Variants in BRD10 observed in about 807,000 individuals in gnomAD.
BRD10 encodes the protein uncharacterized bromodomain-containing protein 10.
At chr9:5,927,275 CCCTA>C in the BRD10 span, among the ~76,000 whole-genome samples, 1 of 152,178 alleles carries the variant, frequency 6.6e-6, no homozygotes, top group Non-Finnish European at 1.5e-5. Flanking sequence ...TTCTCCATCT[CCCTA>C]CCTAAGCTAA....
At chr9:5,892,588 T>A in the BRD10 span, 1 of 1,584,210 alleles carries the variant, frequency 6.3e-7, no homozygotes, top group Non-Finnish European at 8.6e-7. Context: ...GCTTCCAGTT[T>A]GCCGTTTGCT....
chr9:5,967,192 C>CA, the BRD10 span, among the ~76,000 whole-genome samples: 1 of 149,248 alleles, frequency 6.7e-6, no homozygotes, highest in Non-Finnish European at 1.5e-5. Flanking sequence ...TTAATTCCAC[C>CA]TTTTTTTTTT....
chr9:5,933,856 C>A, the BRD10 span: 3 of 470,446 alleles, frequency 6.4e-6, no homozygotes, highest in South Asian at 4.6e-5. Context: ...AGTTGGCAAT[C>A]TACTGATGCT....
the BRD10 span, chr9:6,007,312 G>C: frequency 6.2e-7 from 1 of 1,613,768 alleles, no homozygotes; most frequent in Non-Finnish European, 8.5e-7. Context: ...CCTGAAGTCC[G>C]CCACGAACTC....
the BRD10 span, among the ~76,000 whole-genome samples, chr9:5,977,344 C>CA: frequency 6.6e-6 from 1 of 152,016 alleles, no homozygotes; most frequent in African/African-American, 2.4e-5. Flanking sequence ...TGAGGAAGGA[C>CA]AAAAAAGTAC....
At chr9:5,920,899 A>G in the BRD10 span, 2 of 1,614,028 alleles carry the variant, frequency 1.2e-6, no homozygotes, top group Non-Finnish European at 1.7e-6. Flanking sequence ...TTGATGAGCA[A>G]AGTCTATTTG....
chr9:5,951,263 A>G, the BRD10 span, among the ~76,000 whole-genome samples: 2 of 152,106 alleles, frequency 1.3e-5, no homozygotes, highest in African/African-American at 4.8e-5. Context: ...AAAAAAAGTC[A>G]ACAAAAACAT....
the BRD10 span, among the ~76,000 whole-genome samples, chr9:5,939,912 T>A: frequency 4.6e-5 from 7 of 152,176 alleles, no homozygotes; most frequent in African/African-American, 1.7e-4. Context: ...GCAAAATCAT[T>A]CCTGATTGAT....
chr9:5,889,330 C>CT, the BRD10 span, among the ~76,000 whole-genome samples: 2 of 152,156 alleles, frequency 1.3e-5, no homozygotes, highest in African/African-American at 4.8e-5. Context: ...ATCTTAACAA[C>CT]TTTTTGCAGG....
the BRD10 span, among the ~76,000 whole-genome samples, chr9:5,928,513 T>C: frequency 2.3e-4 from 35 of 152,208 alleles, no homozygotes; most frequent in Admixed American, 2.2e-3. Flanking sequence ...CTCTTGCCTG[T>C]TACCACATTT....
the BRD10 span, among the ~76,000 whole-genome samples, chr9:5,992,555 C>A: frequency 6.6e-6 from 1 of 152,058 alleles, no homozygotes; most frequent in Non-Finnish European, 1.5e-5. Context: ...TAAAATAGCT[C>A]TCCCGTTGCA....
chr9:5,930,554 T>C, the BRD10 span, among the ~76,000 whole-genome samples: 6 of 152,016 alleles, frequency 3.9e-5, no homozygotes, highest in African/African-American at 1.2e-4. Context: ...AGAAGAGGAA[T>C]TGCTTACTAG....
At chr9:5,900,391 A>C in the BRD10 span, among the ~76,000 whole-genome samples, 1 of 152,118 alleles carries the variant, frequency 6.6e-6, no homozygotes, top group South Asian at 2.1e-4. Context: ...TTAATATTAA[A>C]ATCTTATTTT....
At chr9:5,967,556 T>C in the BRD10 span, among the ~76,000 whole-genome samples, 1 of 152,068 alleles carries the variant, frequency 6.6e-6, no homozygotes, top group Non-Finnish European at 1.5e-5. Flanking sequence ...GAAAAATACA[T>C]GATGTGGGAA....
chr9:5,971,228 T>C, the BRD10 span, among the ~76,000 whole-genome samples: 4 of 152,076 alleles, frequency 2.6e-5, no homozygotes, highest in Non-Finnish European at 1.5e-5. Flanking sequence ...CCAAAACTAC[T>C]TGGATGGTTA....
chr9:5,969,252 C>T, the BRD10 span: 19 of 1,613,692 alleles, frequency 1.2e-5, 1 homozygote, highest in South Asian at 1.1e-4. Context: ...CGTTCCAATT[C>T]GTAAAAGACT....
chr9:5,952,227 G>A, the BRD10 span, among the ~76,000 whole-genome samples: 2 of 151,774 alleles, frequency 1.3e-5, no homozygotes, highest in Non-Finnish European at 2.9e-5. Flanking sequence ...TTTCATATAG[G>A]TCAGGCTGGT....
At chr9:5,927,196 G>A in the BRD10 span, among the ~76,000 whole-genome samples, 14 of 152,208 alleles carry the variant, frequency 9.2e-5, no homozygotes, top group African/African-American at 3.4e-4. Context: ...CAAGAAAAAT[G>A]GAGGCAATCA....
chr9:5,925,343 A>G, the BRD10 span, among the ~76,000 whole-genome samples: 1 of 143,258 alleles, frequency 7.0e-6, no homozygotes, highest in Admixed American at 7.2e-5. Flanking sequence ...TGGGCGACAG[A>G]GCGAGACTCC....
Sources: gnomAD v4.1 joint callset for allele counts (sites outside exome capture counted in the v4.1 genomes callset) on GRCh38, gnomAD v4.1.1 for gene constraint, MANE v1.5 for transcripts, NCBI Gene and HGNC (gene_info 2026-07-23, HGNC 2026-07-21) for gene names.